Variants in ITGA9 observed in about 807,000 individuals in gnomAD.
ITGA9 encodes the protein integrin subunit alpha 9.
In ITGA9, 56 loss-of-function variants were observed where a neutral mutation model predicts 127.8. That is an observed-to-expected ratio of 0.44 (90% CI 0.35 to 0.55). The LOEUF is 0.55. ITGA9 is among the 20% of genes least tolerant of loss of function. ITGA9 has a pLI of 0.00. For missense variants in ITGA9, 1,196 were observed against 1,347.1 expected (o/e 0.89, Z 1.76); for synonymous variants, 508 against 514.5 (o/e 0.99, Z 0.17).
Position 37,590,407 on chromosome 3 carries a change from G to A in ITGA9, c.1690-38780G>A, listed in dbSNP as rs577485230. Among the ~76,000 whole-genome samples, 46 of 152,330 alleles carry A rather than the reference G, an allele frequency of 3.0e-4. No homozygotes were observed. In the South Asian group the frequency reaches 8.7e-3, roughly 29 times the overall value. On this transcript the variant is annotated intron_variant, in intron 15 of 27. Coordinates refer to ENST00000264741, the MANE Select transcript of ITGA9 (RefSeq NM_002207.3). ...TAGAGCTGTGTGAGGGTGTGCATGA[G>A]GGAGCCAACAGGAAGGAGGGCTGGG...
intron 15 of ITGA9, among the ~76,000 whole-genome samples, chr3:37,545,763 C>CA (rs1419620528): frequency 2.0e-5 from 3 of 152,208 alleles, no homozygotes; most frequent in Non-Finnish European, 4.4e-5. Flanking sequence ...CTCACAGTCA[C>CA]AGGCGAAAGC....
At chr3:37,510,257 G>A (rs1202161837) in intron 8 of ITGA9, among the ~76,000 whole-genome samples, 1 of 151,958 alleles carries the variant, frequency 6.6e-6, no homozygotes, top group Admixed American at 6.6e-5. Context: ...CACCCACCTT[G>A]GCCTCCCAGA....
At chr3:37,514,710 C>T (rs1559525615) in intron 9 of ITGA9, among the ~76,000 whole-genome samples, 1 of 152,206 alleles carries the variant, frequency 6.6e-6, no homozygotes, top group Non-Finnish European at 1.5e-5. Context: ...ACTGGGATTA[C>T]AGGCACTTGC....
intron 7 of ITGA9, among the ~76,000 whole-genome samples, chr3:37,507,138 A>C (rs1698853510): frequency 6.6e-6 from 1 of 152,174 alleles, no homozygotes; most frequent in African/African-American, 2.4e-5. Flanking sequence ...GTTCTTCAAA[A>C]CTGAAACCAG....
chr3:37,624,523 G>A (rs1004584037), intron 15 of ITGA9, among the ~76,000 whole-genome samples: 8 of 152,048 alleles, frequency 5.3e-5, no homozygotes, highest in African/African-American at 1.9e-4. Context: ...ACTGCCACAC[G>A]GCAGCTACAG....
At chr3:37,538,117 A>G (rs1328944379) in intron 14 of ITGA9, among the ~76,000 whole-genome samples, 1 of 152,230 alleles carries the variant, frequency 6.6e-6, no homozygotes, top group East Asian at 1.9e-4. Flanking sequence ...AACGAAAACC[A>G]GGAAGGGGCG....
At chr3:37,562,059 T>A (rs1323393061) in intron 15 of ITGA9, among the ~76,000 whole-genome samples, 1 of 152,194 alleles carries the variant, frequency 6.6e-6, no homozygotes, top group Non-Finnish European at 1.5e-5. Flanking sequence ...GTTGTGCTGG[T>A]GGGTCTCCTC....
In ITGA9 at chr3:37,748,581, C is replaced by A. The variant is rs145279198; in HGVS notation, c.2434-1881C>A. 1.9e-3 allele frequency: 872 copies of A among 463,240 alleles called. 15 individuals carry two copies. In the East Asian group the frequency reaches 0.027, roughly 14 times the overall value. The allele number at this position is 463,240 out of a possible 1,614,324, so 28.7% of individuals were successfully genotyped here. ...TGGCCAACATGGTGAAATCCCGTCT[C>A]TACTAAAATACAAAAATTAGCCGGG... On this transcript the variant is annotated intron_variant, in intron 22 of 27. Coordinates refer to ENST00000264741, the MANE Select transcript of ITGA9 (RefSeq NM_002207.3).
Position 37,819,352 on chromosome 3 carries a change from T to G in ITGA9, c.*363T>G. 9.5e-6 allele frequency: 2 copies of G among 211,098 alleles called. No individual in the cohort carries two copies. The highest frequency in any genetic ancestry group is 9.7e-6 in the Non-Finnish European group (1 of 103,330). 13.1% of individuals were successfully genotyped at this position (211,098 alleles called of 1,614,324 possible). ...TATGTCTTTTATATTTGTATCGATGTTTTATTATTTCTATTAAATAGTTAT... is the reference window on the plus strand; with the variant it reads ...TATGTCTTTTATATTTGTATCGATGGTTTATTATTTCTATTAAATAGTTAT... On this transcript the variant is annotated 3_prime_UTR_variant, in exon 28 of 28. Coordinates refer to ENST00000264741, the MANE Select transcript of ITGA9 (RefSeq NM_002207.3).
chr3:37,780,595 G>A (rs945491735), intron 25 of ITGA9, among the ~76,000 whole-genome samples: 6 of 151,998 alleles, frequency 3.9e-5, no homozygotes, highest in Non-Finnish European at 7.3e-5. Flanking sequence ...CACTTAAGTT[G>A]ATTCCCTATC....
At chr3:37,535,214 G>A (rs1444377078) in intron 14 of ITGA9, among the ~76,000 whole-genome samples, 2 of 152,208 alleles carry the variant, frequency 1.3e-5, no homozygotes, top group African/African-American at 2.4e-5. Flanking sequence ...GTTACAAAGA[G>A]TTTCTACTAT....
chr3:37,772,143 C>T (rs1306272796), intron 23 of ITGA9, among the ~76,000 whole-genome samples: 1 of 152,118 alleles, frequency 6.6e-6, no homozygotes, highest in East Asian at 1.9e-4. Context: ...CTGTGGCTCA[C>T]ACCTGTAATC....
intron 15 of ITGA9, among the ~76,000 whole-genome samples, chr3:37,598,364 G>A (rs1699887559): frequency 6.6e-6 from 1 of 152,192 alleles, no homozygotes; most frequent in Non-Finnish European, 1.5e-5. Context: ...CCCTGGGGGA[G>A]GGGATGGTGC....
intron 14 of ITGA9, among the ~76,000 whole-genome samples, 177 bp from the exon 15 acceptor site, chr3:37,542,248 G>C (rs1391463158): frequency 6.6e-6 from 1 of 152,094 alleles, no homozygotes. Flanking sequence ...TCGATTCTTT[G>C]AGCACCCTGG....
intron 23 of ITGA9, among the ~76,000 whole-genome samples, chr3:37,766,447 A>G (rs1696781252): frequency 6.6e-6 from 1 of 152,246 alleles, no homozygotes; most frequent in African/African-American, 2.4e-5. Flanking sequence ...ATGTACTCTC[A>G]GAAAAGCAGT....
At chr3:37,667,278 TATG>T (rs1279173385) in intron 17 of ITGA9, among the ~76,000 whole-genome samples, 8 of 152,236 alleles carry the variant, frequency 5.3e-5, no homozygotes, top group African/African-American at 1.9e-4. Context: ...TCTCCAGTAC[TATG>T]ATAACTATTC....
At chr3:37,582,612 T>C (rs1699720266) in intron 15 of ITGA9, among the ~76,000 whole-genome samples, 1 of 152,238 alleles carries the variant, frequency 6.6e-6, no homozygotes, top group African/African-American at 2.4e-5. Context: ...TGATGGCACA[T>C]TTGATGACTG....
At chr3:37,730,562 G>A (rs1320282062) in intron 18 of ITGA9, among the ~76,000 whole-genome samples, 1 of 152,178 alleles carries the variant, frequency 6.6e-6, no homozygotes, top group African/African-American at 2.4e-5. Flanking sequence ...AAACACCTAT[G>A]TCTCTGCTGG....
intron 18 of ITGA9, among the ~76,000 whole-genome samples, chr3:37,725,730 T>C (rs1462802599): frequency 6.6e-6 from 1 of 152,204 alleles, no homozygotes; most frequent in Non-Finnish European, 1.5e-5. Context: ...AAGTAGAGGC[T>C]ATGTACTCCA....
Sources: gnomAD v4.1 joint callset for allele counts (sites outside exome capture counted in the v4.1 genomes callset) on GRCh38, gnomAD v4.1.1 for gene constraint, MANE v1.5 for transcripts, NCBI Gene and HGNC (gene_info 2026-07-23, HGNC 2026-07-21) for gene names.